GALK2: variants seen among roughly 807,000 people sequenced by gnomAD.
GALK2 encodes galactokinase 2.
GALK2 carries 36 observed loss-of-function variants against 52.4 expected under a neutral mutation model. The observed-to-expected ratio is 0.69, with a 90% CI of 0.53 to 0.91. GALK2 has a LOEUF of 0.91. GALK2 is among the 40% of genes least tolerant of loss of function. The pLI is 0.00. For missense variants in GALK2, 579 were observed against 559.1 expected, an observed-to-expected ratio of 1.04 and a Z score of -0.36; for synonymous variants, 176 against 199.1, an observed-to-expected ratio of 0.88 and a Z score of 0.98.
chr15:49,281,909 T>A lies in GALK2; in HGVS notation c.505-78T>A, dbSNP rs989433114. 1.1e-5 allele frequency: 11 copies of A among 1,029,598 alleles called. No individual in the cohort carries two copies. The African/African-American group carries it at 1.7e-4, about 16-fold the overall frequency. The allele number at this position is 1,029,598 out of a possible 1,614,324, so 63.8% of individuals were successfully genotyped here. A position where few individuals can be genotyped will look rare whatever the true frequency, so the allele number is the denominator to read the frequency against. ...AGTTGGTGCTGGAATTCAAACCTGT[T>A]TGTCATGCCTGTAGTAAGAAATGAA... On this transcript the variant is annotated intron_variant, in intron 5 of 9. Transcript: ENST00000560031.
chr15:49,335,410 T>G, downstream of GALK2: 1 of 1,569,630 alleles, frequency 6.4e-7, no homozygotes, highest in South Asian at 1.1e-5. Flanking sequence ...TAGTATAGCA[T>G]CAACTTACAT....
At chr15:49,176,687 C>T (rs2085487358) in intron 1 of GALK2, among the ~76,000 whole-genome samples, 1 of 152,106 alleles carries the variant, frequency 6.6e-6, no homozygotes, top group South Asian at 2.1e-4. Flanking sequence ...ATGAACTCTG[C>T]TTGGTCACAT....
chr15:49,299,709 G>T (rs867911415), intron 8 of GALK2, among the ~76,000 whole-genome samples: 1 of 85,196 alleles, frequency 1.2e-5, no homozygotes, highest in Non-Finnish European at 2.4e-5. Flanking sequence ...TCTTGGTATT[G>T]CTTTCTTTCT....
chr15:49,358,846 G>A (rs1428440224), intron 3 of GALK2, among the ~76,000 whole-genome samples: 2 of 151,568 alleles, frequency 1.3e-5, no homozygotes, highest in African/African-American at 4.9e-5. Context: ...TATACTACAA[G>A]GCTACAGTAA....
Position 49,329,334 on chromosome 15 carries a change from A to C in GALK2, c.*1175A>C, listed in dbSNP as rs116742387. 1,095 of 985,412 alleles carry C rather than the reference A, an allele frequency of 1.1e-3. 14 individuals carry two copies. The African/African-American group carries it at 0.018, about 16-fold the overall frequency. 61.0% of individuals were successfully genotyped at this position (985,412 alleles called of 1,614,324 possible). A position where few individuals can be genotyped will look rare whatever the true frequency, so the allele number is the denominator to read the frequency against. On this transcript the variant is annotated 3_prime_UTR_variant, in exon 10 of 10. Transcript: ENST00000560031. ...ATAGGAAGCACTTTCTGAATTATGT[A>C]ATGATTTGGACCAAAAAGTATTTTG...
chr15:49,300,001 G>T (rs1357740760), intron 8 of GALK2, among the ~76,000 whole-genome samples: 1 of 151,634 alleles, frequency 6.6e-6, no homozygotes, highest in African/African-American at 2.4e-5. Context: ...TAATATCTTT[G>T]TTAGTTTTCT....
At chr15:49,360,240 GAAA>G (rs34095368) in intron 3 of GALK2, among the ~76,000 whole-genome samples, 4 of 147,406 alleles carry the variant, frequency 2.7e-5, no homozygotes, top group South Asian at 2.2e-4. Flanking sequence ...ATAGTATAAG[GAAA>G]AAAAAAAAAA....
intron 7 of GALK2, among the ~76,000 whole-genome samples, chr15:49,284,214 G>A (rs2033084377): frequency 6.6e-6 from 1 of 152,190 alleles, no homozygotes; most frequent in Non-Finnish European, 1.5e-5. Context: ...AGTCTTGGAA[G>A]TCTCTCTTTA....
intron 8 of GALK2, among the ~76,000 whole-genome samples, chr15:49,309,323 T>A (rs2035798320): frequency 6.6e-6 from 1 of 152,214 alleles, no homozygotes. Context: ...AGGTAGTTGG[T>A]GTAGGTTTCT....
At chr15:49,204,886 A>G (rs1236071301) in intron 2 of GALK2, among the ~76,000 whole-genome samples, 1 of 152,082 alleles carries the variant, frequency 6.6e-6, no homozygotes, top group African/African-American at 2.4e-5. Context: ...GATGTCCATT[A>G]CCTAATTCTT....
chr15:49,155,997 A>C (rs768166997), exon 1 of GALK2: 13 of 1,614,188 alleles, frequency 8.1e-6, no homozygotes, highest in Non-Finnish European at 1.1e-5. Flanking sequence ...AAAGGCTGAC[A>C]TGCCCGTCCT....
At chr15:49,170,601 A>C in intron 1 of GALK2, 1 of 533,268 alleles carries the variant, frequency 1.9e-6, no homozygotes, top group South Asian at 2.7e-5. Context: ...TTCTTCATCC[A>C]TGCAGATTCT....
At chr15:49,174,185 A>C (rs1469935856) in intron 1 of GALK2, among the ~76,000 whole-genome samples, 1 of 152,294 alleles carries the variant, frequency 6.6e-6, no homozygotes, top group Middle Eastern at 3.4e-3. Context: ...ATATGTACAT[A>C]TATGTATATA....
At chr15:49,178,521 G>A in intron 1 of GALK2, 1 of 278,442 alleles carries the variant, frequency 3.6e-6, no homozygotes. Flanking sequence ...TTAGGAACTG[G>A]GCATTTTCGG....
chr15:49,349,976 T>G (rs901217841), intron 3 of GALK2, among the ~76,000 whole-genome samples: 1 of 152,212 alleles, frequency 6.6e-6, no homozygotes, highest in Non-Finnish European at 1.5e-5. Context: ...ACTTTGTTGG[T>G]AACTTTGTTG....
intron 3 of GALK2, among the ~76,000 whole-genome samples, chr15:49,355,302 A>T (rs1230872500): frequency 6.6e-6 from 1 of 152,190 alleles, no homozygotes; most frequent in Non-Finnish European, 1.5e-5. Flanking sequence ...GAGCTACGGG[A>T]GGACATTCAA....
chr15:49,183,659 C>T (rs553504493), intron 1 of GALK2, among the ~76,000 whole-genome samples: 3 of 152,114 alleles, frequency 2.0e-5, no homozygotes, highest in Non-Finnish European at 2.9e-5. Flanking sequence ...GCCTGACCAA[C>T]GTGGAGAAAC....
chr15:49,211,799 C>T (rs1425086717), intron 2 of GALK2, among the ~76,000 whole-genome samples: 1 of 152,160 alleles, frequency 6.6e-6, no homozygotes, highest in Non-Finnish European at 1.5e-5. Context: ...ATGAGAACCA[C>T]ACTCAGGAGA....
chr15:49,326,255 A>ATTTTTTTTTT lies in GALK2; in HGVS notation c.1170-1683_1170-1674dup. On this transcript the variant is annotated intron_variant, in intron 9 of 9. Coordinates refer to ENST00000560031, the MANE Select transcript of GALK2 (RefSeq NM_002044.4). ...TTTGATACGACTGCATATGACAACC[A>ATTTTTTTTTT]TTTTTTTTTTTTTTTTTTTTTTTGA... is the stretch of plus-strand genomic sequence containing the variant. Among the ~76,000 whole-genome samples the ATTTTTTTTTT allele has an allele frequency of 2.0e-5, 2 of 100,690 alleles. 1 individual carries two copies. Among genetic ancestry groups the ATTTTTTTTTT allele is most frequent in the Non-Finnish European group, 3.9e-5 (2 of 51,042 alleles). The allele number at this position is 100,690 out of a possible 152,430, so 66.1% of individuals were successfully genotyped here. A position where few individuals can be genotyped will look rare whatever the true frequency, so the allele number is the denominator to read the frequency against.
Sources: gnomAD v4.1 joint callset for allele counts (sites outside exome capture counted in the v4.1 genomes callset) on GRCh38, gnomAD v4.1.1 for gene constraint, MANE v1.5 for transcripts, NCBI Gene and HGNC (gene_info 2026-07-23, HGNC 2026-07-21) for gene names.